The following RAB27B variants were observed in gnomAD, a reference collection of about 807,000 sequenced individuals.
RAB27B encodes the protein ras-related protein Rab-27B.
RAB27B carries 15 observed loss-of-function variants against 24.6 expected under a neutral mutation model. The ratio of observed to expected loss-of-function variants is 0.61; its 90% CI spans 0.41 to 0.94. The LOEUF is 0.94. RAB27B is among the 40% of genes least tolerant of loss of function. The probability of loss-of-function intolerance (pLI) is 0.00; values close to 1 mark genes in which losing one functional copy is unlikely to be tolerated. For synonymous variants in RAB27B, 105 were observed against 92.5 expected, an observed-to-expected ratio of 1.14 and a Z score of -0.78; for missense variants, 261 against 266.8, an observed-to-expected ratio of 0.98 and a Z score of 0.15.
intron 3 of RAB27B, chr18:54,880,466 G>T (rs1912879320): frequency 6.6e-6 from 1 of 152,194 alleles, no homozygotes; most frequent in Non-Finnish European, 1.5e-5. Flanking sequence ...GTCTTAGAAT[G>T]CTTATGCTTG....
chr18:54,861,313 A>T (rs141396981), intron 1 of RAB27B, among the ~76,000 whole-genome samples: 233 of 152,330 alleles, frequency 1.5e-3, no homozygotes, highest in African/African-American at 5.2e-3. Context: ...TTCTTTATGG[A>T]GACATTGTTT....
intron 2 of RAB27B, among the ~76,000 whole-genome samples, chr18:54,748,129 A>G (rs1910314411): frequency 6.6e-6 from 1 of 151,934 alleles, no homozygotes; most frequent in Non-Finnish European, 1.5e-5. Flanking sequence ...CTAAACAAAA[A>G]CAAGACTTTC....
At chr18:54,787,932 T>A (rs978935174) in intron 2 of RAB27B, among the ~76,000 whole-genome samples, 1 of 152,208 alleles carries the variant, frequency 6.6e-6, no homozygotes, top group Non-Finnish European at 1.5e-5. Flanking sequence ...ACTCAAGGAA[T>A]GTTGAAGCAG....
intron 1 of RAB27B, among the ~76,000 whole-genome samples, chr18:54,863,391 G>A (rs1308971637): frequency 6.6e-6 from 1 of 152,114 alleles, no homozygotes; most frequent in Non-Finnish European, 1.5e-5. Flanking sequence ...GTTTGAATAT[G>A]CATGATACTT....
chr18:54,855,501 G>A (rs1000594700), intron 1 of RAB27B, among the ~76,000 whole-genome samples: 1 of 152,186 alleles, frequency 6.6e-6, no homozygotes, highest in Non-Finnish European at 1.5e-5. Flanking sequence ...TTGGATACAA[G>A]ATAGAAGTAA....
intron 2 of RAB27B, among the ~76,000 whole-genome samples, chr18:54,799,731 G>T (rs575766033): frequency 1.4e-5 from 2 of 143,396 alleles, no homozygotes; most frequent in African/African-American, 5.2e-5. Context: ...CAGGGTTCAT[G>T]CCATTCTCCT....
intron 1 of RAB27B, among the ~76,000 whole-genome samples, chr18:54,843,479 C>T (rs545322899): frequency 6.6e-6 from 1 of 152,244 alleles, no homozygotes; most frequent in East Asian, 1.9e-4. Flanking sequence ...TATATCTGCA[C>T]TCATCTCTGC....
chr18:54,753,066 TC>T (rs1243320113), intron 2 of RAB27B, among the ~76,000 whole-genome samples: 5 of 152,132 alleles, frequency 3.3e-5, no homozygotes, highest in African/African-American at 4.8e-5. Flanking sequence ...AAGAAAATGA[TC>T]AATTTGCTTA....
At chr18:54,782,459 CTT>C (rs888573144) in intron 2 of RAB27B, among the ~76,000 whole-genome samples, 5 of 152,174 alleles carry the variant, frequency 3.3e-5, no homozygotes, top group Admixed American at 6.5e-5. Flanking sequence ...GCAGCAATAA[CTT>C]AGTGCATTCT....
intron 1 of RAB27B, among the ~76,000 whole-genome samples, chr18:54,855,304 G>C (rs1213810450): frequency 6.6e-6 from 1 of 152,182 alleles, no homozygotes; most frequent in African/African-American, 2.4e-5. Context: ...CTCACCTCCT[G>C]CTGTGCAGCC....
At chr18:54,827,541 C>T (rs1268010271), upstream of RAB27B, among the ~76,000 whole-genome samples, 1 of 152,244 alleles carries the variant, frequency 6.6e-6, no homozygotes, top group East Asian at 1.9e-4. Context: ...TTCCTTTGCT[C>T]CCTTCTACAA....
chr18:54,759,740 AAGAAG>A (rs1351825515), intron 2 of RAB27B, among the ~76,000 whole-genome samples: 3 of 152,160 alleles, frequency 2.0e-5, no homozygotes, highest in Admixed American at 6.5e-5. Context: ...AGTGATAGGG[AAGAAG>A]AGAAGAGAAG....
chr18:54,775,638 T>A (rs1908691172), intron 2 of RAB27B, among the ~76,000 whole-genome samples: 1 of 152,190 alleles, frequency 6.6e-6, no homozygotes, highest in Non-Finnish European at 1.5e-5. Flanking sequence ...GCAATCTAAC[T>A]TTGTCTATCT....
chr18:54,827,777 T>C (rs1291976110), upstream of RAB27B, among the ~76,000 whole-genome samples: 2 of 152,226 alleles, frequency 1.3e-5, no homozygotes, highest in Non-Finnish European at 2.9e-5. Flanking sequence ...ACTACCAGTC[T>C]GTAAATTAGG....
At position 54,843,358 on chromosome 18, in the gene RAB27B, CTCTT is replaced by C. The variant is rs1224625683; in HGVS notation, c.-20+14660_-20+14663del. On this transcript the variant is annotated intron_variant, in intron 1 of 5. Transcript: ENST00000262094. ...CTATAAGTTTAGATTTTCAATAAAA[CTCTT>C]TTTTTTTTTAGCAGTGCCAGCCTAT... Among the ~76,000 whole-genome samples, 39 of 23,862 alleles carry C rather than the reference CTCTT, an allele frequency of 1.6e-3. 1 individual carries two copies. The East Asian group carries it at 0.12, about 73-fold the overall frequency. 15.7% of individuals were successfully genotyped at this position (23,862 alleles called of 152,430 possible). A position where few individuals can be genotyped will look rare whatever the true frequency, so the allele number is the denominator to read the frequency against.
intron 2 of RAB27B, among the ~76,000 whole-genome samples, chr18:54,727,904 A>C (rs987619950): frequency 3.9e-5 from 6 of 152,122 alleles, no homozygotes; most frequent in African/African-American, 1.4e-4. Context: ...TATTAAAATC[A>C]CCTTAACAGC....
chr18:54,891,690 T>C lies in RAB27B; in HGVS notation c.*2277T>C, dbSNP rs374620937. ...TTTCTATTCATTTTCAGTTATATGA[T>C]TGATTTACTTATGCCAAGATTCTGT... On this transcript the variant is annotated 3_prime_UTR_variant, in exon 6 of 6. Transcript: ENST00000262094. The C allele has an allele frequency of 3.3e-5, 5 of 152,138 alleles. No homozygotes were observed. The highest frequency in any genetic ancestry group is 9.6e-5 in the African/African-American group (4 of 41,452). 9.4% of individuals were successfully genotyped at this position (152,138 alleles called of 1,614,324 possible). A position where few individuals can be genotyped will look rare whatever the true frequency, so the allele number is the denominator to read the frequency against.
chr18:54,793,435 C>T (rs934495071), intron 2 of RAB27B, among the ~76,000 whole-genome samples: 7 of 152,052 alleles, frequency 4.6e-5, no homozygotes, highest in Middle Eastern at 3.2e-3. Flanking sequence ...CATAGATAGG[C>T]GATAAAGGAC....
chr18:54,879,853 T>G (rs1409327897), intron 3 of RAB27B: 2 of 165,128 alleles, frequency 1.2e-5, no homozygotes, highest in African/African-American at 4.8e-5. Context: ...CAGCACAGCC[T>G]CTTTGTCCCA....
Sources: gnomAD v4.1 joint callset for allele counts (sites outside exome capture counted in the v4.1 genomes callset) on GRCh38, gnomAD v4.1.1 for gene constraint, MANE v1.5 for transcripts, NCBI Gene and HGNC (gene_info 2026-07-23, HGNC 2026-07-21) for gene names.